SLC7A2: variants seen among roughly 807,000 people sequenced by gnomAD.
The protein encoded by SLC7A2 is solute carrier family 7 member 2.
Under a neutral mutation model 58.9 loss-of-function variants are expected in SLC7A2, and 48 were observed. The observed-to-expected ratio is 0.82, with a 90% CI of 0.65 to 1.04. The LOEUF (loss-of-function observed/expected upper bound fraction) is 1.04, where lower values mean the gene tolerates loss of function less well. Among genes scored for constraint, SLC7A2 ranks in the 50% least tolerant of loss-of-function variants. SLC7A2 has a pLI of 0.00. For missense variants in SLC7A2, 1,029 were observed against 818.8 expected (o/e 1.26, Z -3.13); for synonymous variants, 363 against 314.5 (o/e 1.15, Z -1.63).
At chr8:17,520,827 G>A (rs1465646817) in intron 2 of SLC7A2, 1 of 399,590 alleles carries the variant, frequency 2.5e-6, no homozygotes, top group Non-Finnish European at 3.4e-6. Context: ...TGTTTATTTT[G>A]TACTCCAGTA....
intron 7 of SLC7A2, 120 bp from the exon 8 acceptor site, chr8:17,554,440 A>G: frequency 1.3e-6 from 1 of 764,738 alleles, no homozygotes; most frequent in Non-Finnish European, 1.9e-6. Flanking sequence ...ATTAATATAA[A>G]TAATATGACT....
chr8:17,538,281 T>G (rs1801759287), intron 2 of SLC7A2, among the ~76,000 whole-genome samples: 1 of 152,210 alleles, frequency 6.6e-6, no homozygotes, highest in Admixed American at 6.5e-5. Flanking sequence ...ATGTCTACAC[T>G]TGCACGAACT....
Position 17,563,629 on chromosome 8 carries a change from G to C in SLC7A2, c.1698G>C (p.Ala566=), listed in dbSNP as rs145254795. The C allele has an allele frequency of 1.2e-6, 2 of 1,612,424 alleles. No homozygotes were observed. The highest frequency in any genetic ancestry group is 2.2e-5 in the South Asian group (2 of 90,846). Residue 566 remains alanine (A), a synonymous_variant, in exon 12 of 13, where the codon GCG becomes GCC. Coordinates refer to ENST00000494857, the MANE Select transcript of SLC7A2 (RefSeq NM_001370338.1). ...TTCCATTCTTACCATTTTTGCCAGC[G>C]TTCAGCATCTTGGTGAACATTTACT... ...FMVPFLPFLP[A]FSILVNIYLM...
intron 2 of SLC7A2, among the ~76,000 whole-genome samples, chr8:17,506,570 G>A (rs1344398341): frequency 6.6e-6 from 1 of 152,184 alleles, no homozygotes; most frequent in Non-Finnish European, 1.5e-5. Flanking sequence ...AGAAGTAAGT[G>A]CCTCAGAATG....
At chr8:17,519,506 G>A (rs2150685246) in intron 2 of SLC7A2, among the ~76,000 whole-genome samples, 1 of 152,280 alleles carries the variant, frequency 6.6e-6, no homozygotes, top group East Asian at 1.9e-4. Context: ...CTAATTGTGA[G>A]CTTCCTGTAT....
upstream of SLC7A2, among the ~76,000 whole-genome samples, chr8:17,495,053 C>G (rs1799922815): frequency 6.6e-6 from 1 of 152,148 alleles, no homozygotes; most frequent in South Asian, 2.1e-4. Context: ...ACAAATTAAA[C>G]AGATTTAAAC....
At chr8:17,545,237 TA>T (rs879282220) in intron 4 of SLC7A2, among the ~76,000 whole-genome samples, 34 of 152,088 alleles carry the variant, frequency 2.2e-4, no homozygotes, top group Non-Finnish European at 4.7e-4. Flanking sequence ...ACAATTTATT[TA>T]ATCTTTCCCT....
rs768997653 is a variant in SLC7A2, at chr8:17,551,869, T to A, written c.938T>A (p.Met313Lys). The change falls in exon 7 of 13, where the codon ATG (methionine) becomes AAG (lysine). Residue 313 changes from methionine to lysine, a missense_variant. Coordinates refer to ENST00000494857, the MANE Select transcript of SLC7A2 (RefSeq NM_001370338.1). ...GGGGTCTCTGCAGCTTTAACACTTA[T>A]GATGCCGTACTACCTCCTCGATGAA... ...YFGVSAALTL[M>K]MPYYLLDEKS... 2 of 1,614,004 alleles carry A rather than the reference T, an allele frequency of 1.2e-6. No homozygotes were observed. Among genetic ancestry groups the A allele is most frequent in the Non-Finnish European group, 1.7e-6 (2 of 1,179,982 alleles).
chr8:17,498,299 A>C (rs1800028832), intron 1 of SLC7A2, among the ~76,000 whole-genome samples: 1 of 152,238 alleles, frequency 6.6e-6, no homozygotes, highest in Non-Finnish European at 1.5e-5. Context: ...TTATAAAATT[A>C]GAATGTATGT....
chr8:17,550,872 A>G (rs1221374413), intron 6 of SLC7A2, among the ~76,000 whole-genome samples: 4 of 152,210 alleles, frequency 2.6e-5, no homozygotes, highest in Non-Finnish European at 5.9e-5. Context: ...CTTATACAAC[A>G]TCATAATCAT....
At chr8:17,528,544 T>C (rs962338654) in intron 2 of SLC7A2, among the ~76,000 whole-genome samples, 1 of 152,082 alleles carries the variant, frequency 6.6e-6, no homozygotes, top group South Asian at 2.1e-4. Flanking sequence ...CGCATCACCA[T>C]GTCTGGCTAA....
chr8:17,548,617 C>A, intron 4 of SLC7A2, 61 bp from the exon 5 acceptor site: 1 of 1,242,152 alleles, frequency 8.1e-7, no homozygotes. Context: ...CATGTATTTG[C>A]CTCAAAATGC....
chr8:17,497,884 G>A (rs1306515934), intron 1 of SLC7A2, among the ~76,000 whole-genome samples: 4 of 152,136 alleles, frequency 2.6e-5, no homozygotes, highest in African/African-American at 4.8e-5. Context: ...ATGAAACGCT[G>A]TTCTTGAGGC....
rs1803450480 is a variant in SLC7A2 at position 17,570,327 on chromosome 8, A to G, written c.*5181A>G. The G allele has an allele frequency of 6.6e-6, 1 of 152,554 alleles. No individual in the cohort carries two copies. Among genetic ancestry groups the G allele is most frequent in the Admixed American group, 6.5e-5 (1 of 15,280 alleles). The allele number at this position is 152,554 out of a possible 1,614,324, so 9.5% of individuals were successfully genotyped here. ...ATAAAAATTGTTGATAGGGCCCAAAACCCTACAGAAATTCTATGTCTGTAA... is the reference window on the plus strand; with the variant it reads ...ATAAAAATTGTTGATAGGGCCCAAAGCCCTACAGAAATTCTATGTCTGTAA... On this transcript the variant is annotated 3_prime_UTR_variant, in exon 13 of 13. Transcript: ENST00000494857.
intron 2 of SLC7A2, among the ~76,000 whole-genome samples, chr8:17,530,573 ATTT>A (rs11389186): frequency 2.9e-4 from 41 of 140,396 alleles, no homozygotes; most frequent in South Asian, 1.9e-3. Context: ...GAGTAAATAG[ATTT>A]TTTTTTTTTT....
intron 3 of SLC7A2, 22 bp downstream of exon 3, chr8:17,543,737 A>G: frequency 6.6e-7 from 1 of 1,510,404 alleles, no homozygotes; most frequent in Non-Finnish European, 8.8e-7. Context: ...AAAGAAATCT[A>G]ACTTGTGTGG....
At position 17,547,107 on chromosome 8, in the gene SLC7A2, G is replaced by C. The variant is rs147965882; in HGVS notation, c.533-1571G>C. Among the ~76,000 whole-genome samples, 666 of 152,162 alleles carry C rather than the reference G, an allele frequency of 4.4e-3. 5 individuals carry two copies. The highest frequency in any genetic ancestry group is 0.015 in the African/African-American group (632 of 41,490). ...ATAAATTTTATAAATCAATGTATTAGTCCATTTTCATACTGCTATGAAGAA... is the reference window on the plus strand; with the variant it reads ...ATAAATTTTATAAATCAATGTATTACTCCATTTTCATACTGCTATGAAGAA... On this transcript the variant is annotated intron_variant, in intron 4 of 12. Coordinates refer to ENST00000494857, the MANE Select transcript of SLC7A2 (RefSeq NM_001370338.1).
At chr8:17,523,539 A>G (rs184781802) in intron 2 of SLC7A2, among the ~76,000 whole-genome samples, 1 of 152,286 alleles carries the variant, frequency 6.6e-6, no homozygotes, top group Non-Finnish European at 1.5e-5. Context: ...GCAAATGGTG[A>G]TGGGATTATT....
At chr8:17,510,009 C>T (rs1169118712) in intron 2 of SLC7A2, among the ~76,000 whole-genome samples, 1 of 151,994 alleles carries the variant, frequency 6.6e-6, no homozygotes, top group African/African-American at 2.4e-5. Flanking sequence ...CACTTGAGAT[C>T]AGGAGTTTGA....
Sources: allele counts gnomAD v4.1 joint callset (sites outside exome capture counted in the v4.1 genomes callset), GRCh38; gene constraint gnomAD v4.1.1; transcripts MANE v1.5; gene names NCBI Gene and HGNC (gene_info 2026-07-23, HGNC 2026-07-21).